SRD5A2: variants seen among roughly 807,000 people sequenced by gnomAD.
The protein encoded by SRD5A2 is steroid 5 alpha-reductase 2, also known as 3-oxo-5-alpha-steroid 4-dehydrogenase 2.
In SRD5A2, 30 loss-of-function variants were observed where a neutral mutation model predicts 27.4. The observed-to-expected ratio is 1.10, with a 90% CI of 0.82 to 1.49. The LOEUF is 1.49. Among genes scored for constraint, SRD5A2 ranks in the 40% most tolerant of loss-of-function variants. The probability of loss-of-function intolerance (pLI) is 0.00; values close to 1 mark genes in which losing one functional copy is unlikely to be tolerated. For synonymous variants in SRD5A2, 141 were observed against 133.6 expected (o/e 1.06, Z -0.38); for missense variants, 348 against 323.4 (o/e 1.08, Z -0.58).
chr2:31,615,327 G>C, the SRD5A2 span, among the ~76,000 whole-genome samples: 1 of 152,180 alleles, frequency 6.6e-6, no homozygotes, highest in African/African-American at 2.4e-5. Flanking sequence ...GAGACTTGTT[G>C]AATGGCTTTG....
At chr2:31,660,230 A>C in the SRD5A2 span, among the ~76,000 whole-genome samples, 1 of 152,150 alleles carries the variant, frequency 6.6e-6, no homozygotes, top group Non-Finnish European at 1.5e-5. Flanking sequence ...TCAGATTGGC[A>C]AAAGTTCAGG....
At chr2:31,551,582 G>A (rs1666381569) in intron 1 of SRD5A2, among the ~76,000 whole-genome samples, 1 of 152,104 alleles carries the variant, frequency 6.6e-6, no homozygotes, top group South Asian at 2.1e-4. Flanking sequence ...TTATTTAATA[G>A]TACTGTGCTA....
At position 31,531,350 on chromosome 2, in the gene SRD5A2, TG is replaced by T; in HGVS notation, c.547+20del. On this transcript the variant is annotated intron_variant, in intron 3 of 4. Coordinates refer to ENST00000622030, the MANE Select transcript of SRD5A2 (RefSeq NM_000348.4). ...CAGGCTCCAGGGAAGAGTGAGAGTCTGGGGGCAGGGGAGACATTACCTTGTG... is the reference window on the plus strand; with the variant it reads ...CAGGCTCCAGGGAAGAGTGAGAGTCTGGGGCAGGGGAGACATTACCTTGTG... The T allele has an allele frequency of 6.5e-7, 1 of 1,533,650 alleles. No individual in the cohort carries two copies. The highest frequency in any genetic ancestry group is 8.9e-7 in the Non-Finnish European group (1 of 1,126,854).
At chr2:31,653,708 G>A in the SRD5A2 span, among the ~76,000 whole-genome samples, 1 of 152,044 alleles carries the variant, frequency 6.6e-6, no homozygotes, top group African/African-American at 2.4e-5. Context: ...TGCCCAGGGA[G>A]GAGTGCAACA....
chr2:31,569,208 A>G (rs1666801002), intron 1 of SRD5A2, among the ~76,000 whole-genome samples: 1 of 152,282 alleles, frequency 6.6e-6, no homozygotes, highest in South Asian at 2.1e-4. Context: ...CACTCCAGTC[A>G]GGCTGCTGCT....
intron 3 of SRD5A2, among the ~76,000 whole-genome samples, chr2:31,530,419 C>T (rs28383057): frequency 5.3e-5 from 8 of 152,112 alleles, no homozygotes; most frequent in African/African-American, 1.2e-4. Context: ...TGATTCCCTA[C>T]GCCCTGGGAG....
chr2:31,548,356 T>C (rs1274624473), intron 1 of SRD5A2, among the ~76,000 whole-genome samples: 1 of 152,074 alleles, frequency 6.6e-6, no homozygotes, highest in Non-Finnish European at 1.5e-5. Flanking sequence ...TGACAAGAGA[T>C]TGACATCCAG....
Position 31,580,715 on chromosome 2 carries a change from C to G in SRD5A2, c.186G>C (p.Ala62=), listed in dbSNP as rs1667062067. Residue 62 remains alanine, a synonymous_variant, in exon 1 of 5, where the codon GCG becomes GCC. Coordinates refer to ENST00000622030, the MANE Select transcript of SRD5A2 (RefSeq NM_000348.4). ...GCCGGGCGAGGATCCCCGCGGGCAC[C>G]GCGAAGGAAGGCAGCTCCTGCAGGA... The part of the protein sequence containing the change: ...AWFLQELPSF[A]VPAGILARQP... 6.2e-7 allele frequency: 1 copy of G among 1,606,006 alleles called. No individual in the cohort carries two copies. The highest frequency in any genetic ancestry group is 8.5e-7 in the Non-Finnish European group (1 of 1,179,176).
chr2:31,554,029 G>T (rs1186480442), intron 1 of SRD5A2, among the ~76,000 whole-genome samples: 1 of 152,046 alleles, frequency 6.6e-6, no homozygotes, highest in African/African-American at 2.4e-5. Context: ...ATCTGTGAGG[G>T]ATCTTGAGAT....
chr2:31,590,265 G>A, the SRD5A2 span, among the ~76,000 whole-genome samples: 14 of 151,462 alleles, frequency 9.2e-5, no homozygotes, highest in East Asian at 2.7e-3. Context: ...AGAAACCCGA[G>A]TACTAATCCT....
rs562920174 is a variant in SRD5A2, at chr2:31,526,120, T to G, written c.*76A>C. 64 of 1,002,918 alleles carry G rather than the reference T, an allele frequency of 6.4e-5. 3 individuals are homozygous for G. In the South Asian group the frequency reaches 8.9e-4, roughly 14 times the overall value. The allele number at this position is 1,002,918 out of a possible 1,614,324, so 62.1% of individuals were successfully genotyped here. A position where few individuals can be genotyped will look rare whatever the true frequency, so the allele number is the denominator to read the frequency against. On this transcript the variant is annotated 3_prime_UTR_variant, in exon 5 of 5. Transcript: ENST00000622030. ...ACATATATACGGGACTATTATATCA[T>G]GAAAATTACAGTTTCAGCAGCTTGA...
At chr2:31,595,856 A>G in the SRD5A2 span, among the ~76,000 whole-genome samples, 678 of 152,318 alleles carry the variant, frequency 4.5e-3, 3 homozygotes, top group African/African-American at 0.016. Flanking sequence ...ATGATCCACC[A>G]TAATCAAGTG....
chr2:31,564,717 T>C (rs557227799), intron 1 of SRD5A2, among the ~76,000 whole-genome samples: 7 of 152,070 alleles, frequency 4.6e-5, no homozygotes, highest in Admixed American at 4.6e-4. Flanking sequence ...TTGGAAATAA[T>C]GCAAACAAGA....
the SRD5A2 span, among the ~76,000 whole-genome samples, chr2:31,595,722 A>C: frequency 2.0e-5 from 3 of 152,164 alleles, no homozygotes; most frequent in Non-Finnish European, 4.4e-5. Flanking sequence ...GTATTACCCT[A>C]TCACCAAGAC....
At chr2:31,619,682 C>G in the SRD5A2 span, among the ~76,000 whole-genome samples, 1 of 152,168 alleles carries the variant, frequency 6.6e-6, no homozygotes, top group Non-Finnish European at 1.5e-5. Context: ...TTACATTTCT[C>G]TAATGATCAG....
intron 1 of SRD5A2, among the ~76,000 whole-genome samples, chr2:31,555,755 G>C (rs1666482045): frequency 6.6e-6 from 1 of 152,128 alleles, no homozygotes; most frequent in Admixed American, 6.6e-5. Context: ...AACATGTCCT[G>C]ATAATGTAGC....
chr2:31,587,377 C>T, the SRD5A2 span, among the ~76,000 whole-genome samples: 4 of 152,126 alleles, frequency 2.6e-5, no homozygotes, highest in Non-Finnish European at 5.9e-5. Flanking sequence ...CCAGAAATAC[C>T]ATTTGACCCA....
At chr2:31,581,716 C>T (rs1208164600), upstream of SRD5A2, among the ~76,000 whole-genome samples, 1 of 152,140 alleles carries the variant, frequency 6.6e-6, no homozygotes, top group Non-Finnish European at 1.5e-5. Flanking sequence ...CACTCCCGGT[C>T]CCCTAGAGTG....
chr2:31,644,754 T>C, the SRD5A2 span, among the ~76,000 whole-genome samples: 1 of 152,226 alleles, frequency 6.6e-6, no homozygotes, highest in African/African-American at 2.4e-5. Flanking sequence ...GATTGCATCA[T>C]CATAATCCAT....
Sources: allele counts gnomAD v4.1 joint callset (sites outside exome capture counted in the v4.1 genomes callset), GRCh38; gene constraint gnomAD v4.1.1; transcripts MANE v1.5; gene names NCBI Gene and HGNC (gene_info 2026-07-23, HGNC 2026-07-21).